NBAS: variants seen among roughly 807,000 people sequenced by gnomAD.
NBAS encodes the protein NAG/BC035112 fusion.
NBAS carries 219 observed loss-of-function variants against 302.5 expected under a neutral mutation model. The ratio of observed to expected loss-of-function variants is 0.72; its 90% CI spans 0.65 to 0.81. NBAS has a LOEUF of 0.81. Ranked by LOEUF, NBAS falls within the 30% of genes least tolerant of loss-of-function variation. NBAS has a pLI of 0.00. For synonymous variants in NBAS, 1,118 were observed against 1,021.6 expected, an observed-to-expected ratio of 1.09 and a Z score of -1.80; for missense variants, 2,932 against 2,841.6, an observed-to-expected ratio of 1.03 and a Z score of -0.72.
At chr2:14,835,011 A>C in the NBAS span, among the ~76,000 whole-genome samples, 2 of 152,114 alleles carry the variant, frequency 1.3e-5, no homozygotes, top group African/African-American at 4.8e-5. Flanking sequence ...TAAGCTCAAA[A>C]GACATTAAGG....
Position 15,511,343 on chromosome 2 carries a change from G to A in NBAS, c.754C>T (p.Leu252Phe), listed in dbSNP as rs141619047. 4.5e-5 allele frequency: 73 copies of A among 1,613,740 alleles called. No homozygotes were observed. The African/African-American group carries it at 9.1e-4, about 20-fold the overall frequency. The part of the protein sequence containing the change: ...AIYHPGHRLL[L>F]VGGCETAEVG... ...TCAGCAGTTTCACATCCACCAACAA[G>A]TAAAAGTCTAAAAAGGAGAAAATTT... The change falls in exon 10 of 52, where the codon CTT becomes TTT. Residue 252 changes from leucine to phenylalanine, a missense_variant. By Grantham distance (22) the Leu-to-Phe change is conservative. Transcript: ENST00000281513.
At chr2:15,126,832 G>A in the NBAS span, among the ~76,000 whole-genome samples, 1 of 152,154 alleles carries the variant, frequency 6.6e-6, no homozygotes. Flanking sequence ...CTACAAACTT[G>A]ATTTCATTTC....
chr2:15,225,678 C>G (rs1667124088), intron 47 of NBAS, among the ~76,000 whole-genome samples: 1 of 152,154 alleles, frequency 6.6e-6, no homozygotes, highest in Non-Finnish European at 1.5e-5. Context: ...CAATCAAACC[C>G]CCCCAAAAAA....
At chr2:15,050,226 A>G in the NBAS span, among the ~76,000 whole-genome samples, 1 of 151,984 alleles carries the variant, frequency 6.6e-6, no homozygotes, top group Non-Finnish European at 1.5e-5. Flanking sequence ...ATGCGCCACT[A>G]CATGGTATAT....
intron 42 of NBAS, among the ~76,000 whole-genome samples, chr2:15,280,090 G>A (rs962441965): frequency 1.3e-5 from 2 of 152,130 alleles, no homozygotes; most frequent in East Asian, 3.9e-4. Context: ...TTAACTAACA[G>A]AAGAAGCCAG....
At chr2:15,256,814 C>G (rs1380533340) in intron 44 of NBAS, among the ~76,000 whole-genome samples, 1 of 152,118 alleles carries the variant, frequency 6.6e-6, no homozygotes, top group Non-Finnish European at 1.5e-5. Context: ...ATTGAGGTGA[C>G]CATATGATTT....
intron 41 of NBAS, among the ~76,000 whole-genome samples, chr2:15,292,138 C>T (rs1466108558): frequency 6.6e-6 from 1 of 152,052 alleles, no homozygotes; most frequent in Admixed American, 6.6e-5. Flanking sequence ...CTACACCTGG[C>T]TAATTTTTGT....
chr2:15,418,235 T>C (rs1677042942), intron 23 of NBAS, among the ~76,000 whole-genome samples: 2 of 152,214 alleles, frequency 1.3e-5, no homozygotes, highest in African/African-American at 4.8e-5. Flanking sequence ...ACAAACACTT[T>C]CTTGGTCTCA....
At chr2:15,210,981 T>C (rs901804092) in intron 48 of NBAS, among the ~76,000 whole-genome samples, 20 of 151,918 alleles carry the variant, frequency 1.3e-4, no homozygotes, top group African/African-American at 4.4e-4. Flanking sequence ...CTGGGAAGGG[T>C]AGTGAGGGTG....
intron 9 of NBAS, among the ~76,000 whole-genome samples, chr2:15,511,849 T>C (rs1662158257): frequency 6.6e-6 from 1 of 152,120 alleles, no homozygotes. Context: ...ACACTATGAG[T>C]GGTTCACTTT....
At position 15,502,485 on chromosome 2, in the gene NBAS, T is replaced by C. The variant is rs750386207; in HGVS notation, c.954+1660A>G. 1.1e-4 allele frequency among the ~76,000 whole-genome samples: 17 copies of C among 152,356 alleles called. 1 individual carries two copies. The South Asian group carries it at 1.9e-3, about 17-fold the overall frequency. On this transcript the variant is annotated intron_variant, in intron 11 of 51. Coordinates refer to ENST00000281513, the MANE Select transcript of NBAS (RefSeq NM_015909.4). ...GGGATAGCCTACTACGCACCTAGGC[T>C]GGGTGGTATAGCCTATTGCTCCTAG...
the NBAS span, among the ~76,000 whole-genome samples, chr2:15,093,369 T>C: frequency 6.6e-6 from 1 of 151,970 alleles, no homozygotes; most frequent in African/African-American, 2.4e-5. Flanking sequence ...TGAGCCGAGA[T>C]CATGCCACTA....
At chr2:15,535,551 T>TAAATAAATAAACAAAC (rs150767923) in intron 8 of NBAS, among the ~76,000 whole-genome samples, 24 of 147,850 alleles carry the variant, frequency 1.6e-4, no homozygotes, top group African/African-American at 6.0e-4. Flanking sequence ...AATAAATAAA[T>TAAATAAATAAACAAAC]AAATAAATAA....
Position 15,561,257 on chromosome 2 carries a change from C to T in NBAS, c.48G>A (p.Glu16=), listed in dbSNP as rs1400591487. The T allele has an allele frequency of 5.0e-6, 8 of 1,613,910 alleles. No homozygotes were observed. The highest frequency in any genetic ancestry group is 6.8e-6 in the Non-Finnish European group (8 of 1,180,058). Residue 16 remains glutamate (E), a synonymous_variant, in exon 1 of 52, where the codon GAG becomes GAA. Transcript: ENST00000281513. The part of the protein sequence containing the change: ...SGPALSPGTA[E]GEEETILYDL... ...CATAGAGAATCGTCTCCTCCTCACC[C>T]TCTGCAGTGCCTGGACTCAAAGCCG...
chr2:15,312,503 A>G (rs1322366868), intron 38 of NBAS, among the ~76,000 whole-genome samples: 1 of 152,028 alleles, frequency 6.6e-6, no homozygotes, highest in Non-Finnish European at 1.5e-5. Flanking sequence ...TCTTGAACTG[A>G]TGGCCTCAAG....
intron 17 of NBAS, among the ~76,000 whole-genome samples, chr2:15,468,173 A>C (rs980218850): frequency 2.6e-5 from 4 of 152,194 alleles, no homozygotes; most frequent in Non-Finnish European, 5.9e-5. Flanking sequence ...TTAATTATTT[A>C]CTTCTCAGAT....
chr2:15,239,408 T>TATAC (rs1667761577), intron 44 of NBAS, among the ~76,000 whole-genome samples: 1 of 150,386 alleles, frequency 6.6e-6, no homozygotes, highest in Non-Finnish European at 1.5e-5. Flanking sequence ...TGTGTATATA[T>TATAC]ATATATATAT....
the NBAS span, among the ~76,000 whole-genome samples, chr2:14,911,234 G>A: frequency 5.9e-5 from 9 of 152,296 alleles, no homozygotes; most frequent in South Asian, 2.1e-4. Context: ...AAGGAGCTGC[G>A]AAAAAGTGGA....
At chr2:14,980,485 C>A in the NBAS span, among the ~76,000 whole-genome samples, 1 of 152,114 alleles carries the variant, frequency 6.6e-6, no homozygotes, top group African/African-American at 2.4e-5. Flanking sequence ...GCAAGGAAAC[C>A]AAATAACCTC....
Sources: allele counts gnomAD v4.1 joint callset (sites outside exome capture counted in the v4.1 genomes callset), GRCh38; gene constraint gnomAD v4.1.1; transcripts MANE v1.5; gene names NCBI Gene and HGNC (gene_info 2026-07-23, HGNC 2026-07-21).